Variants in MACROD1 observed in about 807,000 individuals in gnomAD.
MACROD1 encodes ADP-ribose glycohydrolase MACROD1.
MACROD1 carries 31 observed loss-of-function variants against 41.4 expected under a neutral mutation model. The observed-to-expected ratio is 0.75, with a 90% CI of 0.56 to 1.01. The LOEUF (loss-of-function observed/expected upper bound fraction) is 1.01, where lower values mean the gene tolerates loss of function less well. Ranked by LOEUF, MACROD1 falls within the 50% of genes least tolerant of loss-of-function variation. The pLI, the probability that MACROD1 is intolerant of heterozygous loss-of-function variation, is 0.00. For synonymous variants in MACROD1, 252 were observed against 203.4 expected (o/e 1.24, Z -2.03); for missense variants, 473 against 460.0 (o/e 1.03, Z -0.26).
intron 3 of MACROD1, among the ~76,000 whole-genome samples, chr11:64,091,968 G>A (rs543905320): frequency 1.2e-4 from 19 of 152,276 alleles, no homozygotes; most frequent in Non-Finnish European, 2.4e-4. Flanking sequence ...CGTCACTCTG[G>A]GCTCTCAGGT....
intron 3 of MACROD1, among the ~76,000 whole-genome samples, chr11:64,084,452 G>GGAGGCAGCAGCAAA (rs546869015): frequency 2.8e-3 from 420 of 152,348 alleles, no homozygotes; most frequent in Middle Eastern, 0.01. Flanking sequence ...CAGGCGCTGT[G>GGAGGCAGCAGCAAA]GAGGCAGCAG....
In MACROD1 at chr11:64,067,497, A is replaced by G. The variant is rs866650610; in HGVS notation, c.518-52216T>C. Among the ~76,000 whole-genome samples, 8 of 152,066 alleles carry G rather than the reference A, an allele frequency of 5.3e-5. No individual in the cohort carries two copies. Among genetic ancestry groups the G allele is most frequent in the Middle Eastern group, 3.2e-3 (1 of 316 alleles). On this transcript the variant is annotated intron_variant, in intron 3 of 10. Coordinates refer to ENST00000255681, the MANE Select transcript of MACROD1 (RefSeq NM_014067.4). This position sits in a 1 kb window ranked among gnomAD's most constrained non-coding sequence, Gnocchi z 4.6. Reference sequence around the variant, plus strand: ...ACAGAAGGGAGGAGATAGGTCGGGGACGGGGACAGACGGCACCTCCCCAAC... The same window carrying G: ...ACAGAAGGGAGGAGATAGGTCGGGGGCGGGGACAGACGGCACCTCCCCAAC...
intron 5 of MACROD1, 76 bp downstream of exon 5, chr11:64,000,151 G>T: frequency 8.2e-7 from 1 of 1,213,954 alleles, no homozygotes; most frequent in Non-Finnish European, 1.2e-6. Flanking sequence ...TCCTGTGGGG[G>T]CCGCACCCCT....
At chr11:64,116,915 T>C (rs1281640188) in intron 3 of MACROD1, 1 of 1,611,598 alleles carries the variant, frequency 6.2e-7, no homozygotes, top group South Asian at 1.1e-5. Flanking sequence ...TCCCGCTGCA[T>C]GCCTTCAAGG....
intron 4 of MACROD1, among the ~76,000 whole-genome samples, chr11:64,005,442 C>A (rs533448469): frequency 2.0e-5 from 3 of 152,228 alleles, no homozygotes; most frequent in Non-Finnish European, 4.4e-5. Flanking sequence ...CAGCTCTTGC[C>A]CCTGGCCCCC....
intron 4 of MACROD1, among the ~76,000 whole-genome samples, chr11:64,011,575 C>G (rs1235611653): frequency 1.3e-5 from 2 of 151,968 alleles, no homozygotes; most frequent in Non-Finnish European, 2.9e-5. Context: ...TCCCATAACC[C>G]TGCCCTCGGG....
chr11:64,035,449 G>A (rs1943355178), intron 3 of MACROD1, among the ~76,000 whole-genome samples: 1 of 152,072 alleles, frequency 6.6e-6, no homozygotes, highest in Non-Finnish European at 1.5e-5. Flanking sequence ...GAGTGGGTGC[G>A]GAGAGGAGGG....
At chr11:64,032,701 A>C (rs928342609) in intron 3 of MACROD1, among the ~76,000 whole-genome samples, 1 of 152,106 alleles carries the variant, frequency 6.6e-6, no homozygotes, top group Non-Finnish European at 1.5e-5. Context: ...CCAAGGCCAC[A>C]CTGCCTTTAC....
intron 3 of MACROD1, among the ~76,000 whole-genome samples, chr11:64,015,902 CA>C (rs1357389229): frequency 6.6e-6 from 1 of 152,188 alleles, no homozygotes; most frequent in Non-Finnish European, 1.5e-5. Flanking sequence ...CCACTGGAGC[CA>C]AAACCAGATC....
chr11:64,099,343 G>A lies in MACROD1; in HGVS notation c.517+51896C>T, dbSNP rs1462654738. On this transcript the variant is annotated intron_variant, in intron 3 of 10. Coordinates refer to ENST00000255681, the MANE Select transcript of MACROD1 (RefSeq NM_014067.4). ...CCCACTGGACTGTGAGCTCCTGGAG[G>A]ATGAGGGCATCTCTTTGGATCCCCA... Among the ~76,000 whole-genome samples, 10 of 152,394 alleles carry A rather than the reference G, an allele frequency of 6.6e-5. No individual in the cohort carries two copies. The East Asian group carries it at 1.9e-3, about 29-fold the overall frequency.
At chr11:64,016,770 C>T (rs537449419) in intron 3 of MACROD1, among the ~76,000 whole-genome samples, 43 of 152,120 alleles carry the variant, frequency 2.8e-4, no homozygotes, top group African/African-American at 9.6e-4. Flanking sequence ...GTGGGGGCCG[C>T]GGGAAGTGAG....
At chr11:64,033,844 CA>C (rs1943325316) in intron 3 of MACROD1, among the ~76,000 whole-genome samples, 2 of 151,784 alleles carry the variant, frequency 1.3e-5, no homozygotes, top group Non-Finnish European at 2.9e-5. Flanking sequence ...GCCGCCCCCC[CA>C]AAAAAATTAT....
At position 64,117,237 on chromosome 11, in the gene MACROD1, C is replaced by T. The variant is rs1394821895; in HGVS notation, c.517+34002G>A. 4.3e-6 allele frequency: 7 copies of T among 1,614,078 alleles called. No individual in the cohort carries two copies. In the East Asian group the frequency reaches 8.9e-5, roughly 21 times the overall value. ...CGACCTGGGGAACCTGGCCCAGCTG[C>T]TGCTCAGGAACAACCCTTGGTTTTG... On this transcript the variant is annotated intron_variant, in intron 3 of 10. Transcript: ENST00000255681.
chr11:64,148,414 C>CG (rs1945526375), intron 3 of MACROD1, among the ~76,000 whole-genome samples: 1 of 152,174 alleles, frequency 6.6e-6, no homozygotes, highest in African/African-American at 2.4e-5. Flanking sequence ...CCAGAAGCTC[C>CG]GGCGGGCGGC....
intron 3 of MACROD1, among the ~76,000 whole-genome samples, chr11:64,073,372 A>G (rs1164767754): frequency 6.6e-6 from 1 of 152,154 alleles, no homozygotes; most frequent in African/African-American, 2.4e-5. Context: ...AGCCCAGACC[A>G]GACTTGGGGG....
In MACROD1 at chr11:64,067,150, G is replaced by A. The variant is rs182136762; in HGVS notation, c.518-51869C>T. On this transcript the variant is annotated intron_variant, in intron 3 of 10. Transcript: ENST00000255681. The surrounding 1 kb of genome is among the most constrained non-coding windows in gnomAD (Gnocchi z 4.6). ...CAGGGCCAAGTAGGCAGGGCTGGTG[G>A]GGGTGGGAGGCCGGCCATACCCACC... Among the ~76,000 whole-genome samples the A allele has an allele frequency of 5.9e-5, 9 of 152,332 alleles. No homozygotes were observed. The highest frequency in any genetic ancestry group is 1.2e-4 in the Non-Finnish European group (8 of 68,032).
At chr11:64,047,108 A>C (rs1590835094) in intron 3 of MACROD1, among the ~76,000 whole-genome samples, 1 of 151,202 alleles carries the variant, frequency 6.6e-6, no homozygotes, top group South Asian at 2.1e-4. Flanking sequence ...CTGGAAGGCC[A>C]CCCTCACTCC....
intron 3 of MACROD1, among the ~76,000 whole-genome samples, chr11:64,128,314 GCT>G (rs1945215781): frequency 6.6e-6 from 1 of 152,176 alleles, no homozygotes; most frequent in Non-Finnish European, 1.5e-5. Context: ...GCTGTCGAGG[GCT>G]CTTTCTGGAA....
At chr11:64,052,704 G>T (rs977341145) in intron 3 of MACROD1, among the ~76,000 whole-genome samples, 1 of 152,254 alleles carries the variant, frequency 6.6e-6, no homozygotes, top group Non-Finnish European at 1.5e-5. Flanking sequence ...GGCGCTTAGA[G>T]AAGCCAAGTA....
Sources: allele counts gnomAD v4.1 joint callset (sites outside exome capture counted in the v4.1 genomes callset), GRCh38; gene constraint gnomAD v4.1.1; non-coding constraint Gnocchi (gnomAD v3.1); transcripts MANE v1.5; gene names NCBI Gene and HGNC (gene_info 2026-07-23, HGNC 2026-07-21).